The following F13A1 variants were observed in gnomAD, a reference collection of about 807,000 sequenced individuals.
F13A1 encodes the protein coagulation factor XIII A chain, also known as FSF, A subunit.
In F13A1, 47 loss-of-function variants were observed where a neutral mutation model predicts 80.1. That is an observed-to-expected ratio of 0.59 (90% confidence interval 0.46 to 0.75). F13A1 has a LOEUF of 0.75. Ranked by LOEUF, F13A1 falls within the 30% of genes least tolerant of loss-of-function variation. The pLI is 0.00. For synonymous variants in F13A1, 349 were observed against 344.9 expected, an observed-to-expected ratio of 1.01 and a Z score of -0.13; for missense variants, 817 against 930.4, an observed-to-expected ratio of 0.88 and a Z score of 1.59.
chr6:6,309,909 A>G (rs981880381), intron 2 of F13A1, among the ~76,000 whole-genome samples: 1 of 152,124 alleles, frequency 6.6e-6, no homozygotes, highest in Non-Finnish European at 1.5e-5. Context: ...TGTCCCTGAA[A>G]TGAGTCCTGC....
chr6:6,251,423 A>T (rs1757631407), intron 4 of F13A1, among the ~76,000 whole-genome samples: 1 of 152,206 alleles, frequency 6.6e-6, no homozygotes, highest in South Asian at 2.1e-4. Flanking sequence ...GGAGGGAAGC[A>T]GTAGGTCATC....
chr6:6,198,434 C>A (rs1761330506), intron 8 of F13A1, among the ~76,000 whole-genome samples: 1 of 152,166 alleles, frequency 6.6e-6, no homozygotes, highest in Non-Finnish European at 1.5e-5. Flanking sequence ...GTAGTTACAG[C>A]AGTCTTTGTT....
At chr6:6,288,758 T>C (rs1480943117) in intron 3 of F13A1, among the ~76,000 whole-genome samples, 3 of 152,252 alleles carry the variant, frequency 2.0e-5, no homozygotes, top group Admixed American at 2.0e-4. Context: ...TGCCTTAATT[T>C]ACATTCCCAC....
chr6:6,255,142 A>T (rs1193339106), intron 4 of F13A1, among the ~76,000 whole-genome samples: 1 of 152,152 alleles, frequency 6.6e-6, no homozygotes, highest in Admixed American at 6.5e-5. Context: ...CGGGGGTAAC[A>T]TTTATCCCAC....
intron 6 of F13A1, among the ~76,000 whole-genome samples, chr6:6,241,624 C>T (rs565319656): frequency 2.0e-5 from 3 of 152,178 alleles, no homozygotes; most frequent in Admixed American, 1.3e-4. Flanking sequence ...GTATCTACGA[C>T]CGTTCACTCC....
Position 6,195,653 on chromosome 6 carries a change from T to A in F13A1, c.1305+144A>T. The A allele has an allele frequency of 2.7e-6, 2 of 752,506 alleles. 1 individual carries two copies. Among genetic ancestry groups the A allele is most frequent in the South Asian group, 3.0e-5 (2 of 67,450 alleles). The allele number at this position is 752,506 out of a possible 1,614,324, so 46.6% of individuals were successfully genotyped here. A position where few individuals can be genotyped will look rare whatever the true frequency, so the allele number is the denominator to read the frequency against. Reference sequence around the variant, plus strand: ...GCATTTAGCATTAATAGCCTGGAAGTTGGAATAATGCCTAGTTACCTTTGT... The same window carrying A: ...GCATTTAGCATTAATAGCCTGGAAGATGGAATAATGCCTAGTTACCTTTGT... On this transcript the variant is annotated intron_variant, in intron 10 of 14. Coordinates refer to ENST00000264870, the MANE Select transcript of F13A1 (RefSeq NM_000129.4).
chr6:6,250,780 C>A lies in F13A1; in HGVS notation c.690+31G>T. On this transcript the variant is annotated intron_variant, in intron 5 of 14. Coordinates refer to ENST00000264870, the MANE Select transcript of F13A1 (RefSeq NM_000129.4). This position sits in a 1 kb window ranked among gnomAD's most constrained non-coding sequence, Gnocchi z 4.2. ...GACAAAAAATATGAAGTAAAAATGT[C>A]CTTGACAATAACAAATTTTAAGTGG... 1 of 1,423,424 alleles carries A rather than the reference C, an allele frequency of 7.0e-7. No individual in the cohort carries two copies. Among genetic ancestry groups the A allele is most frequent in the Non-Finnish European group, 9.9e-7 (1 of 1,006,790 alleles). 88.2% of individuals were successfully genotyped at this position (1,423,424 alleles called of 1,614,324 possible). A position where few individuals can be genotyped will look rare whatever the true frequency, so the allele number is the denominator to read the frequency against.
chr6:6,191,266 TC>T (rs1355464367), intron 10 of F13A1, among the ~76,000 whole-genome samples: 1 of 152,134 alleles, frequency 6.6e-6, no homozygotes, highest in Non-Finnish European at 1.5e-5. Context: ...TTACTGAATC[TC>T]TCTGAGCCTA....
intron 2 of F13A1, among the ~76,000 whole-genome samples, chr6:6,311,297 G>C (rs1364484051): frequency 6.6e-6 from 1 of 152,010 alleles, no homozygotes; most frequent in Admixed American, 6.6e-5. Context: ...TTAACCATAG[G>C]TGTCCTTTAA....
At chr6:6,175,270 C>T (rs974177085) in intron 11 of F13A1, among the ~76,000 whole-genome samples, 36 of 152,284 alleles carry the variant, frequency 2.4e-4, no homozygotes, top group Admixed American at 1.6e-3. Context: ...TGCCTCTTGC[C>T]ATTCCACCTC....
At chr6:6,315,778 GGGC>G (rs1758671571) in intron 2 of F13A1, among the ~76,000 whole-genome samples, 1 of 151,980 alleles carries the variant, frequency 6.6e-6, no homozygotes, top group African/African-American at 2.4e-5. Flanking sequence ...GTTTAACTTG[GGGC>G]TGGTGTTCCT....
Position 6,320,590 on chromosome 6 carries a change from C to CAGGCGCTCCCCTCCAGAG in F13A1, c.-40_-23dup, listed in dbSNP as rs1561691338. The CAGGCGCTCCCCTCCAGAG allele has an allele frequency of 2.1e-6, 1 of 468,718 alleles. No homozygotes were observed. Among genetic ancestry groups the CAGGCGCTCCCCTCCAGAG allele is most frequent in the East Asian group, 7.0e-5 (1 of 14,350 alleles). The allele number at this position is 468,718 out of a possible 1,614,324, so 29.0% of individuals were successfully genotyped here. ...GGGTGCAGGGTCGGTGGCTTACCTGCAGGCGCTCCCCTCCAGAGGTGCCCT... is the reference window on the plus strand; with the variant it reads ...GGGTGCAGGGTCGGTGGCTTACCTGCAGGCGCTCCCCTCCAGAGAGGCGCTCCCCTCCAGAGGTGCCCT... On this transcript the variant is annotated 5_prime_UTR_variant, in exon 1 of 15. Coordinates refer to ENST00000264870, the MANE Select transcript of F13A1 (RefSeq NM_000129.4).
At chr6:6,253,850 G>A (rs1172793211) in intron 4 of F13A1, among the ~76,000 whole-genome samples, 1 of 152,106 alleles carries the variant, frequency 6.6e-6, no homozygotes, top group East Asian at 1.9e-4. Context: ...TGATCAATAC[G>A]TGGTGTTTTG....
chr6:6,195,907 C>CAA, intron 9 of F13A1, 22 bp from the exon 10 acceptor site: 1 of 1,610,966 alleles, frequency 6.2e-7, no homozygotes, highest in East Asian at 2.2e-5. Flanking sequence ...AGAGGAAGGG[C>CAA]GGTGTGAGTT....
At chr6:6,215,605 CT>C (rs1373957573) in intron 8 of F13A1, among the ~76,000 whole-genome samples, 1 of 149,916 alleles carries the variant, frequency 6.7e-6, no homozygotes, top group African/African-American at 2.5e-5. Flanking sequence ...GAAGCATTCC[CT>C]TTGAAAACTG....
intron 4 of F13A1, among the ~76,000 whole-genome samples, chr6:6,260,514 T>A (rs1285184719): frequency 1.3e-5 from 2 of 152,198 alleles, no homozygotes; most frequent in Non-Finnish European, 2.9e-5. Context: ...TAGCGCTGAA[T>A]CCTTTGTTAT....
At chr6:6,276,353 G>A (rs1259878058) in intron 3 of F13A1, among the ~76,000 whole-genome samples, 1 of 152,204 alleles carries the variant, frequency 6.6e-6, no homozygotes, top group African/African-American at 2.4e-5. Flanking sequence ...TGCCTTCTGG[G>A]TTCTGATGGG....
chr6:6,231,820 C>G (rs990713499), intron 6 of F13A1, among the ~76,000 whole-genome samples: 4 of 152,058 alleles, frequency 2.6e-5, no homozygotes, highest in Admixed American at 2.0e-4. Flanking sequence ...TTGTATCCAG[C>G]GAAACTAAGC....
intron 3 of F13A1, among the ~76,000 whole-genome samples, chr6:6,272,800 CT>C (rs1757940357): frequency 6.6e-6 from 1 of 152,306 alleles, no homozygotes; most frequent in Non-Finnish European, 1.5e-5. Context: ...ATGATATATA[CT>C]TTCAAGAGAA....
Sources: allele counts gnomAD v4.1 joint callset (sites outside exome capture counted in the v4.1 genomes callset), GRCh38; gene constraint gnomAD v4.1.1; non-coding constraint Gnocchi (gnomAD v3.1); transcripts MANE v1.5; gene names NCBI Gene and HGNC (gene_info 2026-07-23, HGNC 2026-07-21).